Variants in IMMP2L observed in about 807,000 individuals in gnomAD.
IMMP2L encodes mitochondrial inner membrane protease subunit 2.
A neutral mutation model predicts 19.3 loss-of-function variants in IMMP2L; 18 were observed. That is an observed-to-expected ratio of 0.93 (90% CI 0.64 to 1.38). IMMP2L has a LOEUF of 1.38. IMMP2L is among the 40% of genes most tolerant of loss of function. The pLI is 0.00. For synonymous variants in IMMP2L, 76 were observed against 73.0 expected, an observed-to-expected ratio of 1.04 and a Z score of -0.21; for missense variants, 233 against 218.2, an observed-to-expected ratio of 1.07 and a Z score of -0.43.
intron 5 of IMMP2L, among the ~76,000 whole-genome samples, chr7:110,693,476 T>C (rs1341795209): frequency 6.6e-6 from 1 of 152,224 alleles, no homozygotes; most frequent in Non-Finnish European, 1.5e-5. Flanking sequence ...TCATTTGTTC[T>C]CTATCTGTAT....
chr7:111,003,152 T>C (rs977186295), intron 3 of IMMP2L, among the ~76,000 whole-genome samples: 1 of 152,196 alleles, frequency 6.6e-6, no homozygotes, highest in Non-Finnish European at 1.5e-5. Context: ...GTTCACTTAA[T>C]CAAAATAACT....
chr7:111,048,010 C>T (rs909240226), intron 3 of IMMP2L, among the ~76,000 whole-genome samples: 4 of 151,748 alleles, frequency 2.6e-5, no homozygotes, highest in Non-Finnish European at 5.9e-5. Context: ...GAGGCCGAGG[C>T]AGGCAGATCA....
intron 5 of IMMP2L, among the ~76,000 whole-genome samples, chr7:110,672,972 C>A (rs1010763898): frequency 1.3e-5 from 2 of 152,218 alleles, no homozygotes; most frequent in Admixed American, 1.3e-4. Context: ...CCTCTTCTCA[C>A]AGTTCCACTA....
intron 3 of IMMP2L, among the ~76,000 whole-genome samples, chr7:111,086,687 A>G (rs1796371205): frequency 6.6e-6 from 1 of 152,346 alleles, no homozygotes; most frequent in South Asian, 2.1e-4. Context: ...AAGTCATTGA[A>G]GACCTTCCTA....
Position 110,984,811 on chromosome 7 carries a change from T to C in IMMP2L, c.240-21246A>G, listed in dbSNP as rs372560117. On this transcript the variant is annotated intron_variant, in intron 3 of 5. Coordinates refer to ENST00000405709, the MANE Select transcript of IMMP2L (RefSeq NM_032549.4). ...AAAGCTAGTATGGCAGGCAAAATAA[T>C]GGCCCTTCAAAGATGGCCACATCCA... is the stretch of plus-strand genomic sequence containing the variant. 9.2e-5 allele frequency among the ~76,000 whole-genome samples: 14 copies of C among 152,090 alleles called. No individual in the cohort carries two copies. In the East Asian group the frequency reaches 9.6e-4, roughly 10 times the overall value.
intron 3 of IMMP2L, among the ~76,000 whole-genome samples, chr7:111,347,045 G>GA (rs1389080481): frequency 6.6e-6 from 1 of 151,560 alleles, no homozygotes; most frequent in Non-Finnish European, 1.5e-5. Flanking sequence ...GGAGAAGAAG[G>GA]AAAAAAAAGA....
chr7:111,511,591 G>A (rs1845447122), intron 2 of IMMP2L, among the ~76,000 whole-genome samples: 1 of 151,254 alleles, frequency 6.6e-6, no homozygotes, highest in Non-Finnish European at 1.5e-5. Context: ...AGAGGTTGCA[G>A]TGAGCGGAGA....
chr7:111,093,191 G>A lies in IMMP2L; in HGVS notation c.240-129626C>T, dbSNP rs1287876954. Among the ~76,000 whole-genome samples the A allele has an allele frequency of 2.2e-4, 34 of 152,178 alleles. 1 individual carries two copies. The highest frequency in any genetic ancestry group is 8.8e-5 in the Non-Finnish European group (6 of 68,032). ...TAAGATGAACAAGTTTAAGAAGAGG[G>A]TTCCTGCTCAGAGAAAAATGAAAGG... On this transcript the variant is annotated intron_variant, in intron 3 of 5. Transcript: ENST00000405709.
At chr7:111,025,762 T>G (rs1248266337) in intron 3 of IMMP2L, among the ~76,000 whole-genome samples, 1 of 152,148 alleles carries the variant, frequency 6.6e-6, no homozygotes, top group Admixed American at 6.6e-5. Flanking sequence ...TATGAATGGA[T>G]AGATGGCTAG....
At chr7:110,975,558 T>G (rs1226596568) in intron 3 of IMMP2L, among the ~76,000 whole-genome samples, 2 of 152,202 alleles carry the variant, frequency 1.3e-5, no homozygotes, top group Admixed American at 1.3e-4. Flanking sequence ...CAGAATTTCT[T>G]AACTGCCAAC....
At chr7:110,945,439 T>G (rs1165895301) in intron 4 of IMMP2L, among the ~76,000 whole-genome samples, 1 of 151,828 alleles carries the variant, frequency 6.6e-6, no homozygotes, top group Non-Finnish European at 1.5e-5. Context: ...CTCGCTTGCT[T>G]CTTGCACTTT....
At chr7:110,773,878 C>T (rs1310342254) in intron 5 of IMMP2L, among the ~76,000 whole-genome samples, 2 of 137,282 alleles carry the variant, frequency 1.5e-5, no homozygotes, top group Admixed American at 7.3e-5. Context: ...CTATTTTCTG[C>T]TGGAGCTCCA....
chr7:110,874,898 C>T (rs991311375), intron 5 of IMMP2L, among the ~76,000 whole-genome samples: 6 of 151,966 alleles, frequency 3.9e-5, no homozygotes, highest in African/African-American at 1.2e-4. Context: ...ATACTGCATC[C>T]TCTAGAGGAG....
chr7:110,717,673 G>A (rs1384348748), intron 5 of IMMP2L, among the ~76,000 whole-genome samples: 5 of 152,188 alleles, frequency 3.3e-5, no homozygotes, highest in Admixed American at 1.3e-4. Context: ...TCAAGAAGAA[G>A]GAATCACTTA....
chr7:110,861,123 GAGAGAGACAGAGACAGAGAGAC>G (rs1256385385), intron 5 of IMMP2L, among the ~76,000 whole-genome samples: 3 of 145,424 alleles, frequency 2.1e-5, no homozygotes, highest in South Asian at 2.2e-4. Flanking sequence ...GAGAGAGAGA[GAGAGAGACAGAGACAGAGAGAC>G]AGAGACAGAG....
At chr7:111,357,550 C>T (rs143538229) in intron 3 of IMMP2L, among the ~76,000 whole-genome samples, 1 of 152,144 alleles carries the variant, frequency 6.6e-6, no homozygotes, top group East Asian at 1.9e-4. Flanking sequence ...GCTGGTCTGT[C>T]CTTTTACAAC....
intron 3 of IMMP2L, among the ~76,000 whole-genome samples, chr7:111,305,625 A>C (rs1822784644): frequency 6.6e-6 from 1 of 152,172 alleles, no homozygotes; most frequent in East Asian, 1.9e-4. Flanking sequence ...ATGGCAAATT[A>C]ATAAATTAGC....
chr7:110,993,383 G>A (rs1822692651), intron 3 of IMMP2L, among the ~76,000 whole-genome samples: 2 of 151,942 alleles, frequency 1.3e-5, no homozygotes, highest in African/African-American at 4.8e-5. Context: ...AGATCAATTG[G>A]GCTTCTTTCC....
chr7:110,767,162 G>T (rs556619091), intron 5 of IMMP2L, among the ~76,000 whole-genome samples: 1 of 152,068 alleles, frequency 6.6e-6, no homozygotes, highest in Non-Finnish European at 1.5e-5. Context: ...ATCCTATTAA[G>T]CCATATTGTT....
Sources: gnomAD v4.1 joint callset for allele counts (sites outside exome capture counted in the v4.1 genomes callset) on GRCh38, gnomAD v4.1.1 for gene constraint, MANE v1.5 for transcripts, NCBI Gene and HGNC (gene_info 2026-07-23, HGNC 2026-07-21) for gene names.